KMO: variants seen among roughly 807,000 people sequenced by gnomAD.
KMO encodes kynurenine 3-hydroxylase.
Under a neutral mutation model 57.8 loss-of-function variants are expected in KMO, and 24 were observed. The observed-to-expected ratio is 0.42, with a 90% CI of 0.30 to 0.58. The LOEUF (loss-of-function observed/expected upper bound fraction) is 0.58, where lower values mean the gene tolerates loss of function less well. KMO is among the 20% of genes least tolerant of loss of function. KMO has a pLI of 0.22. For synonymous variants in KMO, 210 were observed against 193.6 expected (o/e 1.08, Z -0.70); for missense variants, 483 against 588.2 (o/e 0.82, Z 1.85).
At chr1:241,578,308 A>G (rs1182334067) in intron 10 of KMO, among the ~76,000 whole-genome samples, 3 of 152,286 alleles carry the variant, frequency 2.0e-5, no homozygotes, top group Admixed American at 6.5e-5. Context: ...CACTGCAAAC[A>G]TGACTCTGAT....
chr1:241,565,450 G>A (rs1244531244), intron 8 of KMO, among the ~76,000 whole-genome samples: 16 of 151,994 alleles, frequency 1.1e-4, no homozygotes, highest in Non-Finnish European at 1.9e-4. Flanking sequence ...GATGGGCGCA[G>A]CGGCTCACAC....
intron 1 of KMO, among the ~76,000 whole-genome samples, chr1:241,537,846 TA>T (rs574674106): frequency 6.6e-6 from 1 of 152,118 alleles, no homozygotes; most frequent in Non-Finnish European, 1.5e-5. Flanking sequence ...TTCAATTACC[TA>T]CCGCTGGGTC....
chr1:241,573,512 C>A (rs1474522530), intron 10 of KMO, among the ~76,000 whole-genome samples: 1 of 152,098 alleles, frequency 6.6e-6, no homozygotes, highest in Non-Finnish European at 1.5e-5. Flanking sequence ...GTTTTCCCAG[C>A]ACCATTTATT....
intron 10 of KMO, among the ~76,000 whole-genome samples, chr1:241,577,457 G>GT (rs1162911557): frequency 6.6e-6 from 1 of 151,858 alleles, no homozygotes; most frequent in Non-Finnish European, 1.5e-5. Flanking sequence ...AATGTTTATA[G>GT]TTTATTGTAG....
At position 241,537,803 on chromosome 1, in the gene KMO, C is replaced by A. The variant is rs143984906; in HGVS notation, c.54+5305C>A. ...ATTTCATGAGACTCATTCACTATCACGAGAACAGCATGGGAAAGACCCAAT... is the reference window on the plus strand; with the variant it reads ...ATTTCATGAGACTCATTCACTATCAAGAGAACAGCATGGGAAAGACCCAAT... On this transcript the variant is annotated intron_variant, in intron 1 of 14. Transcript: ENST00000366559. Among the ~76,000 whole-genome samples, 255 of 152,204 alleles carry A rather than the reference C, an allele frequency of 1.7e-3. 6 individuals carry two copies. Among genetic ancestry groups the A allele is most frequent in the African/African-American group, 6.0e-3 (249 of 41,524 alleles).
At position 241,593,421 on chromosome 1, in the gene KMO, G is replaced by C. The variant is rs576158471; in HGVS notation, c.*1268G>C. The C allele has an allele frequency of 1.5e-5, 6 of 403,528 alleles. No homozygotes were observed. Among genetic ancestry groups the C allele is most frequent in the Non-Finnish European group, 2.8e-5 (5 of 179,580 alleles). The allele number at this position is 403,528 out of a possible 1,614,324, so 25.0% of individuals were successfully genotyped here. A position where few individuals can be genotyped will look rare whatever the true frequency, so the allele number is the denominator to read the frequency against. Reference sequence around the variant, plus strand: ...GATTAATTATGAAGATGAAACACTAGAGTCATATAAGAAATAAAAATTGGG... The same window carrying C: ...GATTAATTATGAAGATGAAACACTACAGTCATATAAGAAATAAAAATTGGG... On this transcript the variant is annotated 3_prime_UTR_variant, in exon 15 of 15. Coordinates refer to ENST00000366559, the MANE Select transcript of KMO (RefSeq NM_003679.5).
chr1:241,546,955 C>T (rs193017023), intron 1 of KMO, among the ~76,000 whole-genome samples: 360 of 152,172 alleles, frequency 2.4e-3, no homozygotes, highest in Non-Finnish European at 3.9e-3. Flanking sequence ...TGGCCAGAGA[C>T]GTATGAAGAA....
rs145682520 is a variant in KMO at position 241,540,242 on chromosome 1, T to C, written c.54+7744T>C. ...TAGAATTTGTGGTTTATATCAGAGA[T>C]AAAAAGACAAAATACAAGCCATGCA... On this transcript the variant is annotated intron_variant, in intron 1 of 14. Coordinates refer to ENST00000366559, the MANE Select transcript of KMO (RefSeq NM_003679.5). 7.8e-4 allele frequency among the ~76,000 whole-genome samples: 118 copies of C among 152,244 alleles called. 1 individual carries two copies. The Middle Eastern group carries it at 0.017, about 22-fold the overall frequency.
rs755603489 is a variant in KMO, at chr1:241,586,673, T to TC, written c.958-6_958-5insC. ...TTCTTATTTCTCTTTTTTTTTCTTG[T>TC]TTCAGGGCTTTGAAGACTGCTTGGT... On this transcript the variant is annotated splice_region_variant and splice_polypyrimidine_tract_variant and intron_variant, in intron 10 of 14. Transcript: ENST00000366559. 27 of 1,583,094 alleles carry TC rather than the reference T, an allele frequency of 1.7e-5. No individual in the cohort carries two copies. The highest frequency in any genetic ancestry group is 1.7e-4 in the Middle Eastern group (1 of 5,938).
chr1:241,548,152 G>A (rs2050506), intron 1 of KMO, among the ~76,000 whole-genome samples: 13 of 151,712 alleles, frequency 8.6e-5, no homozygotes, highest in South Asian at 2.1e-4. Context: ...GGTAAATGGC[G>A]GGGCACAGTG....
intron 5 of KMO, among the ~76,000 whole-genome samples, chr1:241,557,099 G>A (rs902868483): frequency 6.6e-6 from 1 of 151,954 alleles, no homozygotes; most frequent in Admixed American, 6.6e-5. Flanking sequence ...GAGAGATAGG[G>A]GATATAGAAA....
intron 7 of KMO, among the ~76,000 whole-genome samples, chr1:241,563,629 G>A (rs910072192): frequency 5.3e-5 from 8 of 152,266 alleles, no homozygotes; most frequent in African/African-American, 1.9e-4. Context: ...TTGAAAAATT[G>A]TTCCAGACTT....
chr1:241,534,835 C>CAAATA (rs1376405622), intron 1 of KMO, among the ~76,000 whole-genome samples: 1 of 152,218 alleles, frequency 6.6e-6, no homozygotes, highest in African/African-American at 2.4e-5. Context: ...TCTCCCATTA[C>CAAATA]AAATAAAATA....
intron 7 of KMO, among the ~76,000 whole-genome samples, chr1:241,562,657 T>C (rs1204126772): frequency 6.6e-6 from 1 of 152,042 alleles, no homozygotes; most frequent in Non-Finnish European, 1.5e-5. Flanking sequence ...CTGGGCCACA[T>C]AGGGAGACTC....
rs780983944 is a variant in KMO at position 241,560,748 on chromosome 1, C to G, written c.445C>G (p.Leu149Val). The change falls in exon 6 of 15, where the codon CTT becomes GTT. Residue 149 changes from leucine (L) to valine (V), a missense_variant. Leu to Val is a conservative substitution (Grantham distance 32). Coordinates refer to ENST00000366559, the MANE Select transcript of KMO (RefSeq NM_003679.5). ...CNPEEGMITV[L>V]GSDKVPKDVT... ...TCCAGAGGAAGGAATGATCACAGTGCTTGGGTAACTACGGGTCAGGTTTTG... is the reference window on the plus strand; with the variant it reads ...TCCAGAGGAAGGAATGATCACAGTGGTTGGGTAACTACGGGTCAGGTTTTG... 6.2e-6 allele frequency: 10 copies of G among 1,609,730 alleles called. No individual in the cohort carries two copies. In the Admixed American group the frequency reaches 1.5e-4, roughly 24 times the overall value.
chr1:241,572,219 C>G (rs1399085819), intron 10 of KMO, among the ~76,000 whole-genome samples: 1 of 152,026 alleles, frequency 6.6e-6, no homozygotes, highest in Non-Finnish European at 1.5e-5. Context: ...CCCATCAGGT[C>G]CTGGGCTTTT....
In KMO at chr1:241,585,177, C is replaced by T. The variant is rs567153622; in HGVS notation, c.958-1502C>T. ...CTGGCAGGTGGAGGTTGCAGTGAGCCGAGATTGTGCCACTGCACTCCTGCC... is the reference window on the plus strand; with the variant it reads ...CTGGCAGGTGGAGGTTGCAGTGAGCTGAGATTGTGCCACTGCACTCCTGCC... On this transcript the variant is annotated intron_variant, in intron 10 of 14. Transcript: ENST00000366559. 3.8e-4 allele frequency among the ~76,000 whole-genome samples: 58 copies of T among 151,878 alleles called. 1 individual carries two copies. Among genetic ancestry groups the T allele is most frequent in the South Asian group, 3.3e-3 (16 of 4,808 alleles).
chr1:241,569,579 T>G (rs941613782), intron 10 of KMO, among the ~76,000 whole-genome samples: 1 of 152,186 alleles, frequency 6.6e-6, no homozygotes, highest in Non-Finnish European at 1.5e-5. Flanking sequence ...TTAGGTTGAT[T>G]CCATATCTTT....
chr1:241,565,121 C>A, intron 8 of KMO, 63 bp downstream of exon 8: 1 of 938,096 alleles, frequency 1.1e-6, no homozygotes, highest in Non-Finnish European at 1.8e-6. Context: ...TTATTACTTA[C>A]ATTTGTACTT....
Sources: allele counts gnomAD v4.1 joint callset (sites outside exome capture counted in the v4.1 genomes callset), GRCh38; gene constraint gnomAD v4.1.1; transcripts MANE v1.5; gene names NCBI Gene and HGNC (gene_info 2026-07-23, HGNC 2026-07-21).